The following SPTA1 variants were observed in gnomAD, a reference collection of about 807,000 sequenced individuals.
SPTA1 encodes the protein spectrin alpha chain, erythrocytic 1.
In SPTA1, 177 loss-of-function variants were observed where a neutral mutation model predicts 324.7. The observed-to-expected ratio is 0.55, with a 90% CI of 0.48 to 0.62. SPTA1 has a LOEUF of 0.62. Among genes scored for constraint, SPTA1 ranks in the 20% least tolerant of loss-of-function variants. The pLI is 0.00. For synonymous variants in SPTA1, 1,195 were observed against 1,041.3 expected (o/e 1.15, Z -2.84); for missense variants, 3,162 against 2,883.6 (o/e 1.10, Z -2.21).
intron 44 of SPTA1, 59 bp from the exon 45 acceptor site, chr1:158,619,393 A>G: frequency 6.4e-7 from 1 of 1,553,124 alleles, no homozygotes; most frequent in South Asian, 1.1e-5. Flanking sequence ...TTGCCATAAG[A>G]GAATTGGTTT....
At chr1:158,611,475 C>G in intron 51 of SPTA1, 86 bp from the exon 52 acceptor site, 1 of 1,523,098 alleles carries the variant, frequency 6.6e-7, no homozygotes, top group Non-Finnish European at 9.1e-7. Context: ...GCCATAAATG[C>G]AGGAGATGGA....
chr1:158,645,110 A>C (rs1404162766), intron 29 of SPTA1, 78 bp downstream of exon 29: 2 of 1,475,306 alleles, frequency 1.4e-6, no homozygotes, highest in Non-Finnish European at 1.9e-6. Context: ...TAGTGAACGG[A>C]GCCTGTAATG....
intron 5 of SPTA1, among the ~76,000 whole-genome samples, chr1:158,678,951 C>A (rs1654599209): frequency 6.6e-6 from 1 of 152,094 alleles, no homozygotes; most frequent in African/African-American, 2.4e-5. Context: ...GTCCTCACAC[C>A]TTTGAGAATC....
intron 17 of SPTA1, among the ~76,000 whole-genome samples, chr1:158,661,815 T>G (rs1377310576): frequency 1.3e-5 from 2 of 152,224 alleles, no homozygotes; most frequent in Non-Finnish European, 2.9e-5. Flanking sequence ...TGCCCAAGTT[T>G]TCTCATCATG....
intron 47 of SPTA1, 34 bp downstream of exon 47, chr1:158,617,503 C>T (rs572939640): frequency 1.2e-5 from 19 of 1,586,102 alleles, no homozygotes; most frequent in Non-Finnish European, 1.6e-5. Flanking sequence ...ATAATTTTGG[C>T]AATATCTTCA....
At position 158,634,742 on chromosome 1, in the gene SPTA1, G is replaced by C. The variant is rs1435714869; in HGVS notation, c.5433-67C>G. 4.4e-6 allele frequency: 7 copies of C among 1,593,970 alleles called. No homozygotes were observed. The African/African-American group carries it at 5.4e-5, about 12-fold the overall frequency. Reference sequence around the variant, plus strand: ...TGGTAAGCAGTGGGAGTACAGTGGGGTGGCACAATCTCATTCAGGCAGACC... The same window carrying C: ...TGGTAAGCAGTGGGAGTACAGTGGGCTGGCACAATCTCATTCAGGCAGACC... On this transcript the variant is annotated intron_variant, in intron 38 of 51. Transcript: ENST00000643759.
intron 27 of SPTA1, among the ~76,000 whole-genome samples, chr1:158,646,073 T>C (rs1196848643): frequency 6.6e-6 from 1 of 152,194 alleles, no homozygotes; most frequent in East Asian, 1.9e-4. Flanking sequence ...TCTTTCCTCT[T>C]ACTTTTATTC....
Position 158,645,497 on chromosome 1 carries a change from G to T in SPTA1, c.3994C>A (p.Gln1332Lys). The change falls in exon 28 of 52, where the codon CAG becomes AAG. Residue 1332 changes from glutamine (Q) to lysine (K), a missense_variant and splice_region_variant. Physicochemically the swap from Gln to Lys is moderately conservative, Grantham distance 53. Coordinates refer to ENST00000643759, the MANE Select transcript of SPTA1 (RefSeq NM_003126.4). The stretch of plus-strand genomic sequence containing the variant: ...GGCTGTGACTTTTGTAGTTTTACCT[G>T]ATGTCTCTCCAGCAAGATCTCTATG... ...TGIEILLERH[Q>K]EHRADMEAEA... 6.2e-7 allele frequency: 1 copy of T among 1,613,944 alleles called. No homozygotes were observed. The highest frequency in any genetic ancestry group is 8.5e-7 in the Non-Finnish European group (1 of 1,179,916).
At chr1:158,631,460 G>T (rs1291107373) in intron 39 of SPTA1, among the ~76,000 whole-genome samples, 1 of 152,052 alleles carries the variant, frequency 6.6e-6, no homozygotes, top group Non-Finnish European at 1.5e-5. Context: ...TGAGGGAAAG[G>T]GTGGGAAAGG....
Position 158,626,906 on chromosome 1 carries a change from C to T in SPTA1, c.5766G>A (p.Leu1922=), listed in dbSNP as rs1421138010. The T allele has an allele frequency of 1.9e-6, 3 of 1,613,960 alleles. No individual in the cohort carries two copies. The highest frequency in any genetic ancestry group is 2.2e-5 in the South Asian group (2 of 91,084). ...GAAAGGCATAATCGTCTTCCAATTG[C>T]AACTTCCAAGCAGCTATTGCCTTAG... ...SLAKAIAAWK[L]QLEDDYAFQE... is the part of the protein sequence containing the mutation. Residue 1922 remains leucine, a synonymous_variant, in exon 41 of 52, where the codon TTG becomes TTA. Transcript: ENST00000643759.
chr1:158,617,660 G>A (rs760331152), intron 46 of SPTA1, 72 bp from the exon 47 acceptor site: 231 of 1,402,704 alleles, frequency 1.6e-4, no homozygotes, highest in Middle Eastern at 3.5e-4. Context: ...ATACCAACTC[G>A]AAGCTCCTCT....
At chr1:158,642,239 A>G (rs1651648136) in intron 33 of SPTA1, among the ~76,000 whole-genome samples, 172 bp downstream of exon 33, 1 of 152,124 alleles carries the variant, frequency 6.6e-6, no homozygotes, top group Non-Finnish European at 1.5e-5. Context: ...CAGCACACCA[A>G]CATGGCACAT....
At chr1:158,617,405 G>T in intron 47 of SPTA1, 132 bp downstream of exon 47, 3 of 735,084 alleles carry the variant, frequency 4.1e-6, no homozygotes, top group Middle Eastern at 3.7e-4. Context: ...TTCATGATGT[G>T]ATGGCCTATG....
chr1:158,617,605 G>A lies in SPTA1; in HGVS notation c.6549-17C>T. On this transcript the variant is annotated splice_polypyrimidine_tract_variant and intron_variant, in intron 46 of 51. Transcript: ENST00000643759. Reference sequence around the variant, plus strand: ...AGCAATGATCTAGTTAAGAACCGAAGGAAATCATTATGCATCACATCACAG... The same window carrying A: ...AGCAATGATCTAGTTAAGAACCGAAAGAAATCATTATGCATCACATCACAG... 1 of 1,606,674 alleles carries A rather than the reference G, an allele frequency of 6.2e-7. No individual in the cohort carries two copies. Among genetic ancestry groups the A allele is most frequent in the East Asian group, 2.2e-5 (1 of 44,812 alleles).
Position 158,674,633 on chromosome 1 carries a change from C to G in SPTA1, c.1155G>C (p.Trp385Cys). 1 of 1,614,036 alleles carries G rather than the reference C, an allele frequency of 6.2e-7. No individual in the cohort carries two copies. The highest frequency in any genetic ancestry group is 1.7e-5 in the Admixed American group (1 of 60,018). The change falls in exon 9 of 52, where the codon TGG becomes TGC. Residue 385 changes from tryptophan (W) to cysteine (C), a missense_variant. Transcript: ENST00000643759. ...TGATCGCAGCAGTCTTCTCGTTCAT[C>G]CAGCCTGAGAGTTCATCAAAGTCAG... is the stretch of plus-strand genomic sequence containing the variant. ...FSSDFDELSG[W>C]MNEKTAAINA...
intron 39 of SPTA1, 38 bp from the exon 40 acceptor site, chr1:158,627,761 G>A (rs1005783750): frequency 6.3e-7 from 1 of 1,588,576 alleles, no homozygotes; most frequent in Non-Finnish European, 8.6e-7. Context: ...GATATCCAAA[G>A]CCGGAAAATC....
intron 5 of SPTA1, among the ~76,000 whole-genome samples, chr1:158,679,341 A>G (rs1654629989): frequency 6.6e-6 from 1 of 152,158 alleles, no homozygotes; most frequent in African/African-American, 2.4e-5. Flanking sequence ...AAAAAATCGC[A>G]TGCTATTTTG....
Position 158,642,516 on chromosome 1 carries a change from A to G in SPTA1, c.4632T>C (p.Phe1544=). ...IQRKYLKHQT[F]AHEVDGRSEQ... ...CAGATCGGCCATCGACTTCATGTGC[A>G]AAGGTCTGGTGTTTCAGGTATTTCC... Residue 1544 remains phenylalanine, a synonymous_variant, in exon 33 of 52, where the codon TTT becomes TTC. Coordinates refer to ENST00000643759, the MANE Select transcript of SPTA1 (RefSeq NM_003126.4). 1 of 1,613,564 alleles carries G rather than the reference A, an allele frequency of 6.2e-7. No individual in the cohort carries two copies. Among genetic ancestry groups the G allele is most frequent in the Non-Finnish European group, 8.5e-7 (1 of 1,179,646 alleles).
At chr1:158,676,335 C>T in intron 7 of SPTA1, 40 bp from the exon 8 acceptor site, 2 of 1,610,492 alleles carry the variant, frequency 1.2e-6, no homozygotes, top group East Asian at 4.5e-5. Flanking sequence ...AATCCAAGTA[C>T]TCTGACTCCC....
Sources: allele counts gnomAD v4.1 joint callset (sites outside exome capture counted in the v4.1 genomes callset), GRCh38; gene constraint gnomAD v4.1.1; transcripts MANE v1.5; gene names NCBI Gene and HGNC (gene_info 2026-07-23, HGNC 2026-07-21).